MACF1: variants seen among roughly 807,000 people sequenced by gnomAD.
The protein encoded by MACF1 is microtubule actin crosslinking factor 1, also known as microtubule-actin cross-linking factor 1.
A neutral mutation model predicts 854.8 loss-of-function variants in MACF1; 193 were observed. The ratio of observed to expected loss-of-function variants is 0.23; its 90% confidence interval spans 0.20 to 0.25. The LOEUF (loss-of-function observed/expected upper bound fraction) is 0.25. Ranked by LOEUF, MACF1 falls within the 10% of genes least tolerant of loss-of-function variation. The probability of loss-of-function intolerance (pLI) is 1.00; values close to 1 mark genes in which losing one functional copy is unlikely to be tolerated. For missense variants in MACF1, 7,722 were observed against 8,929.1 expected (o/e 0.86, Z 5.45); for synonymous variants, 3,185 against 3,226.7 (o/e 0.99, Z 0.44).
At position 39,315,554 on chromosome 1, in the gene MACF1, T is replaced by A. The variant is rs755621710; in HGVS notation, c.3312T>A (p.Asp1104Glu). The stretch of plus-strand genomic sequence containing the variant: ...TACAGCAATTGAGGTCAGACTTGGA[T>A]GCAGTTTCTATGAAATGTGACAGCT... The part of the protein sequence containing the change: ...EDLQQLRSDL[D>E]AVSMKCDSFL... The change falls in exon 27 of 101, where the codon GAT (aspartate) becomes GAA (glutamate). Residue 1104 changes from aspartate to glutamate, a missense_variant. Asp to Glu is a conservative substitution (Grantham distance 45). This residue lies in a region of MACF1 where 1,137 missense variants were observed against 1,263.0 expected (regional missense o/e 0.90). Transcript: ENST00000564288. 1 of 1,614,164 alleles carries A rather than the reference T, an allele frequency of 6.2e-7. No homozygotes were observed. Among genetic ancestry groups the A allele is most frequent in the Non-Finnish European group, 8.5e-7 (1 of 1,180,020 alleles).
chr1:39,239,440 A>G (rs1239511095), intron 2 of MACF1, among the ~76,000 whole-genome samples: 1 of 152,234 alleles, frequency 6.6e-6, no homozygotes, highest in Non-Finnish European at 1.5e-5. Context: ...CCTTATTGAG[A>G]ACACTTCTGA....
Position 39,105,572 on chromosome 1 carries a change from G to C in MACF1, c.220+21134G>C, listed in dbSNP as rs1642208157. 8.6e-7 allele frequency: 1 copy of C among 1,168,262 alleles called. No homozygotes were observed. Among genetic ancestry groups the C allele is most frequent in the Non-Finnish European group, 1.1e-6 (1 of 928,398 alleles). The allele number at this position is 1,168,262 out of a possible 1,614,324, so 72.4% of individuals were successfully genotyped here. ...GGGGCCGCCGCCGCCTCAGCGCGCG[G>C]GCCTGGAACCGGCAGCCCCCGGGGC... On this transcript the variant is annotated intron_variant, in intron 2 of 93. Transcript: ENST00000361689. The surrounding 1 kb of genome is among the most constrained non-coding windows in gnomAD (Gnocchi z 5.9).
At chr1:39,384,017 C>T (rs1372478597) in intron 56 of MACF1, among the ~76,000 whole-genome samples, 1 of 152,126 alleles carries the variant, frequency 6.6e-6, no homozygotes, top group Non-Finnish European at 1.5e-5. Context: ...TGTGACAGCG[C>T]AGAAATTTTA....
chr1:39,283,304 G>A lies in MACF1; in HGVS notation c.808+3G>A, dbSNP rs1458183185. ...CACTCGCCTGCTGGATGCAGAAGGT[G>A]AGAGGGAGTTTACTGAACTTGAGTA... On this transcript the variant is annotated splice_donor_region_variant and intron_variant, in intron 8 of 100. Transcript: ENST00000564288. The surrounding 1 kb of genome is among the most constrained non-coding windows in gnomAD (Gnocchi z 4.5). 1 of 1,607,098 alleles carries A rather than the reference G, an allele frequency of 6.2e-7. No individual in the cohort carries two copies. Among genetic ancestry groups the A allele is most frequent in the Non-Finnish European group, 8.5e-7 (1 of 1,173,628 alleles).
chr1:39,410,695 T>A (rs1403802372), intron 58 of MACF1: 1 of 1,613,850 alleles, frequency 6.2e-7, no homozygotes, highest in South Asian at 1.1e-5. Context: ...CTTCCCAGAA[T>A]TTGCAGAGAG....
chr1:39,420,108 G>A (rs567089198), intron 58 of MACF1, among the ~76,000 whole-genome samples: 110 of 152,184 alleles, frequency 7.2e-4, no homozygotes, highest in Non-Finnish European at 1.5e-3. Context: ...GTGGGTCTGA[G>A]GAACTGGATT....
chr1:39,378,067 G>A (rs1290194199), intron 52 of MACF1, among the ~76,000 whole-genome samples: 1 of 151,370 alleles, frequency 6.6e-6, no homozygotes. Flanking sequence ...TTATTATATT[G>A]AAAGATATTG....
Position 39,310,818 on chromosome 1 carries a change from T to G in MACF1, c.3101-13T>G, listed in dbSNP as rs962981405. ...GTCGAGCTTACTGGTCTTTTGTGTT[T>G]GTTCATTCACAGAGGACAAAGAGGA... On this transcript the variant is annotated splice_polypyrimidine_tract_variant and intron_variant, in intron 25 of 100. Transcript: ENST00000564288. 6 of 1,598,344 alleles carry G rather than the reference T, an allele frequency of 3.8e-6. No homozygotes were observed. The African/African-American group carries it at 6.7e-5, about 18-fold the overall frequency.
At chr1:39,290,116 C>G (rs1235013348) in intron 15 of MACF1, among the ~76,000 whole-genome samples, 2 of 152,110 alleles carry the variant, frequency 1.3e-5, no homozygotes, top group African/African-American at 4.8e-5. Context: ...AAACTTTTTC[C>G]TAGACTAGTG....
intron 99 of MACF1, among the ~76,000 whole-genome samples, chr1:39,484,286 C>T (rs1645067225): frequency 6.6e-6 from 1 of 152,084 alleles, no homozygotes; most frequent in South Asian, 2.1e-4. Flanking sequence ...TTCCTTTACT[C>T]ATTCACCATA....
chr1:39,427,841 C>A, intron 62 of MACF1, 120 bp from the exon 63 acceptor site: 1 of 950,746 alleles, frequency 1.1e-6, no homozygotes, highest in Non-Finnish European at 1.5e-6. Flanking sequence ...ATTATTTTTG[C>A]CTTTCAGTCG....
intron 94 of MACF1, chr1:39,464,507 T>G (rs974852880): frequency 1.9e-5 from 3 of 154,552 alleles, no homozygotes; most frequent in African/African-American, 7.2e-5. Flanking sequence ...TATAATCTTA[T>G]GCCTGCTTGT....
Position 39,332,590 on chromosome 1 carries a change from G to C in MACF1, c.6002G>C (p.Ser2001Thr). Residue 2001 changes from serine (S) to threonine (T), a missense_variant, in exon 37 of 101, where the codon AGT becomes ACT. Physicochemically the swap from Ser to Thr is moderately conservative, Grantham distance 58 (BLOSUM62 1). This residue lies in a region of MACF1 where 1,531 missense variants were observed against 1,601.6 expected (regional missense o/e 0.96). Coordinates refer to ENST00000564288, the MANE Select transcript of MACF1 (RefSeq NM_001394062.1). ...TLTSRDEYQT[S>T]PPKVVEIGHQ... ...ACATCCAGAGATGAGTATCAAACAA[G>C]TCCTCCAAAAGTGGTTGAAATTGGG... 1.2e-6 allele frequency: 2 copies of C among 1,614,134 alleles called. No homozygotes were observed. Among genetic ancestry groups the C allele is most frequent in the Non-Finnish European group, 1.7e-6 (2 of 1,180,010 alleles).
At chr1:39,114,182 GTTTT>G (rs10715454) in intron 2 of MACF1, among the ~76,000 whole-genome samples, 2 of 142,452 alleles carry the variant, frequency 1.4e-5, no homozygotes, top group Non-Finnish European at 3.0e-5. Context: ...ATACTTTACT[GTTTT>G]TTTTTTTTTT....
intron 22 of MACF1, among the ~76,000 whole-genome samples, chr1:39,301,615 C>G (rs1409653064): frequency 1.4e-5 from 2 of 138,774 alleles, no homozygotes; most frequent in Non-Finnish European, 3.1e-5. Flanking sequence ...TTAGTAGAGA[C>G]GGGGTTTCAC....
intron 1 of MACF1, among the ~76,000 whole-genome samples, chr1:39,222,167 C>T (rs1644661394): frequency 6.6e-6 from 1 of 152,174 alleles, no homozygotes; most frequent in Non-Finnish European, 1.5e-5. Context: ...TGCTGTCACC[C>T]AGGCTGGAGG....
intron 34 of MACF1, 143 bp downstream of exon 34, chr1:39,324,488 G>T (rs763644698): frequency 1.7e-6 from 2 of 1,161,436 alleles, no homozygotes; most frequent in Non-Finnish European, 2.4e-6. Flanking sequence ...AAGCCATCTT[G>T]TTTGTTCTTG....
intron 44 of MACF1, 25 bp downstream of exon 44, chr1:39,353,256 T>C (rs1332936428): frequency 1.3e-6 from 2 of 1,548,728 alleles, no homozygotes; most frequent in South Asian, 2.3e-5. Context: ...TTATCCTCAC[T>C]ATGCTAGAGA....
At chr1:39,459,622 A>T (rs1201433604) in intron 91 of MACF1, among the ~76,000 whole-genome samples, 2 of 152,224 alleles carry the variant, frequency 1.3e-5, no homozygotes, top group African/African-American at 4.8e-5. Context: ...TGAGCCTTTC[A>T]TGTAAAAACA....
Sources: allele counts gnomAD v4.1 joint callset (sites outside exome capture counted in the v4.1 genomes callset), GRCh38; gene constraint gnomAD v4.1.1; regional missense constraint gnomAD v4.1.1; non-coding constraint Gnocchi (gnomAD v3.1); transcripts MANE v1.5; gene names NCBI Gene and HGNC (gene_info 2026-07-23, HGNC 2026-07-21).